PEAK1: variants seen among roughly 807,000 people sequenced by gnomAD.
PEAK1 encodes inactive tyrosine-protein kinase PEAK1.
In PEAK1, 54 loss-of-function variants were observed where a neutral mutation model predicts 124.7. That is an observed-to-expected ratio of 0.43 (90% CI 0.35 to 0.54). The LOEUF (loss-of-function observed/expected upper bound fraction) is 0.54, where lower values mean the gene tolerates loss of function less well. PEAK1 is among the 20% of genes least tolerant of loss of function. PEAK1 has a pLI of 0.01. For synonymous variants in PEAK1, 719 were observed against 760.0 expected, an observed-to-expected ratio of 0.95 and a Z score of 0.89; for missense variants, 2,046 against 2,134.5, an observed-to-expected ratio of 0.96 and a Z score of 0.82.
intron 1 of PEAK1, among the ~76,000 whole-genome samples, chr15:77,379,719 C>A (rs1030607888): frequency 3.9e-5 from 6 of 152,094 alleles, no homozygotes; most frequent in African/African-American, 7.2e-5. Flanking sequence ...CATAAGAGAT[C>A]TAATTAGCTT....
intron 6 of PEAK1, among the ~76,000 whole-genome samples, chr15:77,241,597 C>A (rs1053282621): frequency 4.0e-5 from 6 of 151,880 alleles, no homozygotes; most frequent in African/African-American, 1.5e-4. Flanking sequence ...CAAAAAACTT[C>A]TTAGAATTAA....
At chr15:77,271,994 AAAC>A (rs1199172653) in intron 5 of PEAK1, among the ~76,000 whole-genome samples, 18 of 152,236 alleles carry the variant, frequency 1.2e-4, no homozygotes, top group Non-Finnish European at 2.2e-4. Flanking sequence ...TATGGAAATT[AAAC>A]AACATGTTCC....
chr15:77,195,141 A>C (rs996569287), intron 6 of PEAK1, among the ~76,000 whole-genome samples: 1 of 152,068 alleles, frequency 6.6e-6, no homozygotes, highest in African/African-American at 2.4e-5. Context: ...AAGCACCCTA[A>C]ATCTTAGTAT....
At chr15:77,360,484 AATATATATAC>A (rs1245314985) in intron 2 of PEAK1, among the ~76,000 whole-genome samples, 1 of 152,192 alleles carries the variant, frequency 6.6e-6, no homozygotes, top group African/African-American at 2.4e-5. Flanking sequence ...GTATCCAGCC[AATATATATAC>A]ACATATAAGT....
intron 1 of PEAK1, among the ~76,000 whole-genome samples, chr15:77,399,199 G>C (rs1237035913): frequency 5.3e-5 from 8 of 151,960 alleles, no homozygotes; most frequent in Admixed American, 2.0e-4. Context: ...GCAATCTATA[G>C]ATTCTTCATG....
intron 6 of PEAK1, among the ~76,000 whole-genome samples, chr15:77,222,215 C>T (rs1315065719): frequency 6.6e-6 from 1 of 151,964 alleles, no homozygotes; most frequent in East Asian, 1.9e-4. Flanking sequence ...ATACATTTAA[C>T]CTTTTTCTTT....
chr15:77,205,998 C>T (rs1476103698), intron 6 of PEAK1, among the ~76,000 whole-genome samples: 1 of 123,842 alleles, frequency 8.1e-6, no homozygotes, highest in East Asian at 2.5e-4. Flanking sequence ...CATCACAGTC[C>T]CCAGAGTGTG....
At chr15:77,363,104 C>T (rs2068005044) in intron 2 of PEAK1, among the ~76,000 whole-genome samples, 1 of 152,156 alleles carries the variant, frequency 6.6e-6, no homozygotes, top group South Asian at 2.1e-4. Context: ...GATCCACCTG[C>T]CTCAGCCTCC....
chr15:77,176,970 T>G (rs1290178513), intron 7 of PEAK1, among the ~76,000 whole-genome samples: 1 of 152,190 alleles, frequency 6.6e-6, no homozygotes, highest in African/African-American at 2.4e-5. Flanking sequence ...TACATGTTTT[T>G]TTTTGAGATG....
chr15:77,354,317 A>C (rs1269366485), intron 2 of PEAK1, among the ~76,000 whole-genome samples: 1 of 152,096 alleles, frequency 6.6e-6, no homozygotes, highest in Non-Finnish European at 1.5e-5. Context: ...CTCACCCAAC[A>C]CCAATATTTA....
At chr15:77,381,553 G>C in intron 1 of PEAK1, 1 of 789,840 alleles carries the variant, frequency 1.3e-6, no homozygotes, top group Non-Finnish European at 1.5e-6. Context: ...TGAGTAAACA[G>C]AAAGGTTCAC....
chr15:77,376,275 T>C (rs1214226187), intron 1 of PEAK1, among the ~76,000 whole-genome samples: 2 of 152,122 alleles, frequency 1.3e-5, no homozygotes, highest in East Asian at 1.9e-4. Flanking sequence ...TAAATGAAGA[T>C]TAATAAGTGA....
At chr15:77,372,321 G>A (rs929124873) in intron 1 of PEAK1, among the ~76,000 whole-genome samples, 12 of 152,124 alleles carry the variant, frequency 7.9e-5, no homozygotes, top group Admixed American at 7.9e-4. Flanking sequence ...AAGATGACAG[G>A]CAACAAGAAT....
chr15:77,153,463 G>GT (rs1567037662), intron 8 of PEAK1, among the ~76,000 whole-genome samples: 2 of 152,164 alleles, frequency 1.3e-5, no homozygotes, highest in African/African-American at 4.8e-5. Context: ...TTTTTGAAGG[G>GT]TTTTTTGTGT....
chr15:77,233,159 C>T (rs766429281), intron 6 of PEAK1, among the ~76,000 whole-genome samples: 2 of 152,176 alleles, frequency 1.3e-5, no homozygotes, highest in Non-Finnish European at 2.9e-5. Context: ...CCTTGTACTC[C>T]GGTTTCCCTC....
At chr15:77,397,926 A>C (rs1000449046) in intron 1 of PEAK1, among the ~76,000 whole-genome samples, 2 of 152,116 alleles carry the variant, frequency 1.3e-5, no homozygotes, top group East Asian at 3.9e-4. Flanking sequence ...TTAGCCAGGC[A>C]TGGTGGCGCA....
intron 9 of PEAK1, among the ~76,000 whole-genome samples, chr15:77,117,364 G>A (rs1196069408): frequency 6.6e-6 from 1 of 152,182 alleles, no homozygotes; most frequent in Non-Finnish European, 1.5e-5. Flanking sequence ...GAAGAACACT[G>A]AAATCTACTT....
At chr15:77,346,325 A>G in intron 2 of PEAK1, 5 of 972,226 alleles carry the variant, frequency 5.1e-6, no homozygotes, top group Non-Finnish European at 6.1e-6. Context: ...TTCTATTGAC[A>G]TATTTTAACT....
chr15:77,352,905 T>G, intron 2 of PEAK1: 3 of 985,314 alleles, frequency 3.0e-6, no homozygotes, highest in South Asian at 9.4e-5. Flanking sequence ...TAAAGGCACA[T>G]ATTTGCTATA....
Sources: gnomAD v4.1 joint callset for allele counts (sites outside exome capture counted in the v4.1 genomes callset) on GRCh38, gnomAD v4.1.1 for gene constraint, MANE v1.5 for transcripts, NCBI Gene and HGNC (gene_info 2026-07-23, HGNC 2026-07-21) for gene names.